The following CELA3B variants were observed in gnomAD, a reference collection of about 807,000 sequenced individuals.
CELA3B encodes the protein chymotrypsin-like elastase family member 3B.
A neutral mutation model predicts 37.2 loss-of-function variants in CELA3B; 34 were observed. The observed-to-expected ratio is 0.91, with a 90% confidence interval of 0.70 to 1.22. The LOEUF (loss-of-function observed/expected upper bound fraction) is 1.22. Ranked by LOEUF, CELA3B falls within the 50% of genes most tolerant of loss-of-function variation. The probability of loss-of-function intolerance (pLI) is 0.00; values close to 1 mark genes in which losing one functional copy is unlikely to be tolerated. For synonymous variants in CELA3B, 127 were observed against 143.5 expected (o/e 0.89, Z 0.82); for missense variants, 340 against 363.1 (o/e 0.94, Z 0.52).
rs567880491 is a variant in CELA3B at position 21,996,089 on chromosome 1, T to G, written c.505-2062T>G. On this transcript the variant is annotated intron_variant, in intron 4 of 4. Coordinates refer to the CELA3B transcript ENST00000400277. ...TTAGCCGGGCGTGGTGGCACATGCC[T>G]GTAGTTCCAGCTACTGGGGAGGCTG... Among the ~76,000 whole-genome samples the G allele has an allele frequency of 1.5e-3, 225 of 151,370 alleles. 4 individuals are homozygous for G. The highest frequency in any genetic ancestry group is 2.3e-3 in the Non-Finnish European group (156 of 67,908).
intron 5 of CELA3B, 78 bp from the exon 6 acceptor site, chr1:21,984,111 G>C (rs944702351): frequency 3.3e-6 from 5 of 1,519,306 alleles, no homozygotes; most frequent in Middle Eastern, 1.8e-4. Flanking sequence ...AGAACTGTGC[G>C]CCTTGGATGC....
At chr1:21,981,827 A>G (rs755015059) in intron 4 of CELA3B, among the ~76,000 whole-genome samples, 15 of 151,182 alleles carry the variant, frequency 9.9e-5, no homozygotes, top group South Asian at 8.4e-4. Context: ...CCGGGTTCAC[A>G]CCATTCTCCT....
intron 6 of CELA3B, among the ~76,000 whole-genome samples, chr1:21,985,323 G>A (rs1036349121): frequency 6.7e-6 from 1 of 149,900 alleles, no homozygotes; most frequent in Non-Finnish European, 1.5e-5. Flanking sequence ...TGTTGCCCAG[G>A]CTGCAGTGCA....
intron 4 of CELA3B, among the ~76,000 whole-genome samples, chr1:21,981,592 A>G (rs1186482719): frequency 6.6e-6 from 1 of 151,962 alleles, no homozygotes; most frequent in Non-Finnish European, 1.5e-5. Context: ...AACTCTGTGT[A>G]TGGCCTGAGC....
chr1:21,997,955 A>T (rs1262954813), intron 4 of CELA3B, among the ~76,000 whole-genome samples: 5 of 151,310 alleles, frequency 3.3e-5, no homozygotes, highest in Admixed American at 1.3e-4. Context: ...GTTGAGAGGG[A>T]AACAGTCTGC....
intron 4 of CELA3B, among the ~76,000 whole-genome samples, chr1:21,982,924 A>C (rs568056618): frequency 6.6e-6 from 1 of 152,276 alleles, no homozygotes; most frequent in Admixed American, 6.5e-5. Flanking sequence ...CGTGATCCGC[A>C]GCAGTCTGTT....
At chr1:21,980,461 C>T (rs113463948) in intron 2 of CELA3B, among the ~76,000 whole-genome samples, 4 of 151,582 alleles carry the variant, frequency 2.6e-5, no homozygotes, top group African/African-American at 7.3e-5. Context: ...GCCTGGGGAA[C>T]AAGAGCAAAA....
rs780067789 is a variant in CELA3B at position 21,983,713 on chromosome 1, A to AG, written c.382_383insG (p.Lys128ArgfsTer22). 1 of 1,614,006 alleles carries AG rather than the reference A, an allele frequency of 6.2e-7. No homozygotes were observed. The highest frequency in any genetic ancestry group is 1.1e-5 in the South Asian group (1 of 91,060). On this transcript the variant is annotated frameshift_variant, in exon 5 of 8. Transcript: ENST00000337107. LOFTEE classifies it high-confidence loss of function. ...CCCCAGCAATGACATCGCCCTCATC[A>AG]AGCTCTCACGCAGCGCCCAGCTGGG...
intron 7 of CELA3B, among the ~76,000 whole-genome samples, chr1:21,988,894 AG>A (rs1194047906): frequency 1.6e-5 from 2 of 122,104 alleles, no homozygotes; most frequent in Non-Finnish European, 3.6e-5. Flanking sequence ...TGTCTCAAAA[AG>A]AAAAAAAACT....
downstream of CELA3B, among the ~76,000 whole-genome samples, chr1:21,989,726 A>G (rs1313734008): frequency 6.6e-6 from 1 of 150,726 alleles, no homozygotes; most frequent in African/African-American, 2.5e-5. Context: ...GTAGAGTGGG[A>G]AGGACAATGT....
chr1:21,984,213 T>G lies in CELA3B; in HGVS notation c.524T>G (p.Leu175Arg). The G allele has an allele frequency of 6.2e-7, 1 of 1,614,054 alleles. No individual in the cohort carries two copies. The highest frequency in any genetic ancestry group is 1.3e-5 in the African/African-American group (1 of 75,060). Residue 175 changes from leucine to arginine, a missense_variant, in exon 6 of 8, where the codon CTG becomes CGG. Physicochemically the swap from Leu to Arg is moderately radical, Grantham distance 102. Coordinates refer to ENST00000337107, the MANE Select transcript of CELA3B (RefSeq NM_007352.4). ...GCCAACGGGCCACTCCCAGACAAGC[T>G]GCAGGAGGCCCTGCTGCCGGTGGTG... ...LYTNGPLPDK[L>R]QEALLPVVDY...
chr1:21,988,519 A>G (rs1644852305), intron 7 of CELA3B, among the ~76,000 whole-genome samples: 1 of 148,434 alleles, frequency 6.7e-6, no homozygotes, highest in African/African-American at 2.5e-5. Flanking sequence ...TGAACTCGGG[A>G]GGCAGAAGTT....
At chr1:21,993,818 T>G (rs1286627221), downstream of CELA3B, among the ~76,000 whole-genome samples, 1 of 146,074 alleles carries the variant, frequency 6.8e-6, no homozygotes, top group Non-Finnish European at 1.5e-5. Flanking sequence ...GTGCTAGGAT[T>G]ACAGGTGTGA....
intron 6 of CELA3B, among the ~76,000 whole-genome samples, chr1:21,985,783 C>T (rs140983796): frequency 0.013 from 1,940 of 151,880 alleles, 37 homozygotes; most frequent in African/African-American, 0.041. Context: ...CCCAGCTACT[C>T]GGGAGGCTGA....
At chr1:21,987,154 A>AAAAAAAAAAG (rs1644843502) in intron 7 of CELA3B, 1 of 15,104 alleles carries the variant, frequency 6.6e-5, no homozygotes, top group Non-Finnish European at 1.3e-4. Flanking sequence ...AAAAAAAAAG[A>AAAAAAAAAAG]AAAAAAAAAA....
intron 4 of CELA3B, among the ~76,000 whole-genome samples, chr1:21,981,576 G>A (rs1644804445): frequency 6.6e-6 from 1 of 151,808 alleles, no homozygotes. Context: ...GTCAGGCTCT[G>A]GCATTAACTC....
intron 7 of CELA3B, among the ~76,000 whole-genome samples, 164 bp from the exon 8 acceptor site, chr1:21,989,098 T>A (rs1644857733): frequency 6.6e-6 from 1 of 151,924 alleles, no homozygotes; most frequent in Non-Finnish European, 1.5e-5. Flanking sequence ...ATGAGGTAAG[T>A]TCTATCATTA....
intron 4 of CELA3B, 137 bp from the exon 5 acceptor site, chr1:21,983,557 G>GATT (rs1372647638): frequency 5.2e-6 from 7 of 1,351,156 alleles, no homozygotes; most frequent in Admixed American, 4.8e-5. Flanking sequence ...TAATGATGAT[G>GATT]ATGATGATGA....
At chr1:21,996,084 A>G (rs1177841527) in intron 4 of CELA3B, among the ~76,000 whole-genome samples, 8 of 151,126 alleles carry the variant, frequency 5.3e-5, no homozygotes, top group Non-Finnish European at 7.4e-5. Flanking sequence ...GTGGTGGCAC[A>G]TGCCTGTAGT....
Sources: allele counts gnomAD v4.1 joint callset (sites outside exome capture counted in the v4.1 genomes callset), GRCh38; gene constraint gnomAD v4.1.1; transcripts MANE v1.5; gene names NCBI Gene and HGNC (gene_info 2026-07-23, HGNC 2026-07-21).